The following TMEM117 variants were observed in gnomAD, a reference collection of about 807,000 sequenced individuals.
The protein encoded by TMEM117 is transmembrane protein 117.
TMEM117 carries 27 observed loss-of-function variants against 52.4 expected under a neutral mutation model. The observed-to-expected ratio is 0.51, with a 90% CI of 0.38 to 0.71. TMEM117 has a LOEUF of 0.71. Among genes scored for constraint, TMEM117 ranks in the 30% least tolerant of loss-of-function variants. The probability of loss-of-function intolerance (pLI) is 0.00; values close to 1 mark genes in which losing one functional copy is unlikely to be tolerated. For synonymous variants in TMEM117, 215 were observed against 206.3 expected, an observed-to-expected ratio of 1.04 and a Z score of -0.36; for missense variants, 556 against 630.5, an observed-to-expected ratio of 0.88 and a Z score of 1.26.
intron 3 of TMEM117, among the ~76,000 whole-genome samples, chr12:44,126,348 A>G (rs1313355427): frequency 6.6e-6 from 1 of 152,220 alleles, no homozygotes; most frequent in Non-Finnish European, 1.5e-5. Context: ...AATGTATACA[A>G]TGCTTGGTTT....
intron 3 of TMEM117, among the ~76,000 whole-genome samples, chr12:43,953,294 C>T (rs11519944): frequency 7.9e-5 from 12 of 152,164 alleles, no homozygotes; most frequent in South Asian, 4.2e-4. Context: ...CAAATTCATA[C>T]GTAATAATAT....
chr12:44,381,100 G>C (rs778307414), intron 7 of TMEM117, among the ~76,000 whole-genome samples: 4 of 152,126 alleles, frequency 2.6e-5, no homozygotes, highest in African/African-American at 9.7e-5. Context: ...TTGACAGATG[G>C]CTTGCTGCAG....
chr12:43,953,315 T>G (rs1043350151), intron 3 of TMEM117, among the ~76,000 whole-genome samples: 5 of 152,104 alleles, frequency 3.3e-5, no homozygotes, highest in Non-Finnish European at 5.9e-5. Flanking sequence ...TAACCTGAAA[T>G]GTAAATAGGC....
chr12:44,021,109 G>A (rs571044416), intron 3 of TMEM117, among the ~76,000 whole-genome samples: 4 of 152,154 alleles, frequency 2.6e-5, no homozygotes, highest in South Asian at 2.1e-4. Flanking sequence ...GTGTATATAC[G>A]TAAATAAACT....
chr12:43,963,451 C>T (rs1172657148), intron 3 of TMEM117, among the ~76,000 whole-genome samples: 1 of 151,744 alleles, frequency 6.6e-6, no homozygotes, highest in Non-Finnish European at 1.5e-5. Context: ...GAGACATCAA[C>T]AACATTTCAT....
At chr12:44,239,341 G>A (rs143817726) in intron 5 of TMEM117, among the ~76,000 whole-genome samples, 1 of 152,112 alleles carries the variant, frequency 6.6e-6, no homozygotes, top group East Asian at 1.9e-4. Context: ...TTACTTTTTG[G>A]GAATGGTAAT....
chr12:43,816,501 C>T, the TMEM117 span, among the ~76,000 whole-genome samples: 1 of 152,132 alleles, frequency 6.6e-6, no homozygotes, highest in Admixed American at 6.6e-5. Context: ...CTATCCACTA[C>T]TCATGACTTT....
At chr12:44,287,584 A>G (rs960241738) in intron 5 of TMEM117, among the ~76,000 whole-genome samples, 1 of 152,172 alleles carries the variant, frequency 6.6e-6, no homozygotes, top group African/African-American at 2.4e-5. Flanking sequence ...TTACTTTTCA[A>G]TGTTAAGTAC....
intron 7 of TMEM117, among the ~76,000 whole-genome samples, chr12:44,381,278 G>A (rs999524680): frequency 2.6e-5 from 4 of 152,156 alleles, no homozygotes; most frequent in African/African-American, 9.7e-5. Context: ...CAAGTTCATT[G>A]TTCTCCTCCT....
chr12:44,287,412 C>A (rs1950651579), intron 5 of TMEM117, among the ~76,000 whole-genome samples: 1 of 152,216 alleles, frequency 6.6e-6, no homozygotes, highest in South Asian at 2.1e-4. Flanking sequence ...AGTAGAAACC[C>A]CCCAAGAAGT....
At chr12:44,014,470 C>T (rs1565792626) in intron 3 of TMEM117, among the ~76,000 whole-genome samples, 1 of 152,102 alleles carries the variant, frequency 6.6e-6, no homozygotes, top group Non-Finnish European at 1.5e-5. Flanking sequence ...TGGGGTATGT[C>T]CTGAGAATTT....
At chr12:44,010,015 G>A (rs180871059) in intron 3 of TMEM117, 6 of 333,048 alleles carry the variant, frequency 1.8e-5, no homozygotes, top group Admixed American at 3.4e-5. Context: ...CCCTCAGGCC[G>A]AGATACTCTA....
chr12:44,223,678 A>G (rs573982451), intron 5 of TMEM117, among the ~76,000 whole-genome samples: 9 of 152,242 alleles, frequency 5.9e-5, no homozygotes, highest in Non-Finnish European at 8.8e-5. Context: ...TTCTATATAA[A>G]CTATGAGTTT....
At chr12:44,016,516 ATTAT>A (rs1359809716) in intron 3 of TMEM117, among the ~76,000 whole-genome samples, 2 of 151,722 alleles carry the variant, frequency 1.3e-5, no homozygotes, top group East Asian at 3.9e-4. Flanking sequence ...CTGTTTTGGG[ATTAT>A]TTAATTTTTT....
chr12:44,388,049 A>G lies in TMEM117; in HGVS notation c.922A>G (p.Ile308Val). 6.2e-7 allele frequency: 1 copy of G among 1,610,970 alleles called. No homozygotes were observed. Residue 308 changes from isoleucine to valine, a missense_variant, in exon 8 of 8, where the codon ATC becomes GTC. Physicochemically the swap from Ile to Val is conservative, Grantham distance 29 (BLOSUM62 3). Coordinates refer to ENST00000266534, the MANE Select transcript of TMEM117 (RefSeq NM_032256.3). ...AGGCAAATGGTTTAACTATGGAATT[A>G]TCTTCCTCGTCTTGATTTTGGATCT... ...ITGKWFNYGI[I>V]FLVLILDLNM...
At chr12:43,814,752 T>C in the TMEM117 span, among the ~76,000 whole-genome samples, 3 of 149,916 alleles carry the variant, frequency 2.0e-5, no homozygotes, top group Non-Finnish European at 4.4e-5. Flanking sequence ...TTTTTTTTTT[T>C]TTTTTTTTTG....
At chr12:43,883,949 C>A (rs1194173159) in intron 2 of TMEM117, among the ~76,000 whole-genome samples, 1 of 151,756 alleles carries the variant, frequency 6.6e-6, no homozygotes, top group African/African-American at 2.4e-5. Flanking sequence ...CCAGCCTTGG[C>A]AACATGGCAA....
At chr12:43,981,756 C>T (rs1443917949) in intron 3 of TMEM117, among the ~76,000 whole-genome samples, 2 of 151,912 alleles carry the variant, frequency 1.3e-5, no homozygotes, top group Non-Finnish European at 2.9e-5. Flanking sequence ...CAAAAATTAC[C>T]TTTTCAAGAG....
At chr12:44,383,681 C>A (rs899383969) in intron 7 of TMEM117, among the ~76,000 whole-genome samples, 17 of 152,166 alleles carry the variant, frequency 1.1e-4, no homozygotes, top group Non-Finnish European at 7.4e-5. Flanking sequence ...TGCTGAAATA[C>A]CAACCCTCTG....
Sources: allele counts gnomAD v4.1 joint callset (sites outside exome capture counted in the v4.1 genomes callset), GRCh38; gene constraint gnomAD v4.1.1; transcripts MANE v1.5; gene names NCBI Gene and HGNC (gene_info 2026-07-23, HGNC 2026-07-21).